ST6GALNAC3: variants seen among roughly 807,000 people sequenced by gnomAD.
The protein encoded by ST6GALNAC3 is alpha-N-acetylgalactosaminide alpha-2,6-sialyltransferase 3.
In ST6GALNAC3, 25 loss-of-function variants were observed where a neutral mutation model predicts 32.7. The ratio of observed to expected loss-of-function variants is 0.76; its 90% CI spans 0.56 to 1.07. The LOEUF is 1.07. Ranked by LOEUF, ST6GALNAC3 falls within the 50% of genes least tolerant of loss-of-function variation. The pLI is 0.00. For missense variants in ST6GALNAC3, 355 were observed against 382.4 expected, an observed-to-expected ratio of 0.93 and a Z score of 0.60; for synonymous variants, 129 against 133.1, an observed-to-expected ratio of 0.97 and a Z score of 0.21.
intron 3 of ST6GALNAC3, among the ~76,000 whole-genome samples, chr1:76,422,281 G>A (rs1007293384): frequency 2.6e-5 from 4 of 151,794 alleles, no homozygotes; most frequent in Non-Finnish European, 5.9e-5. Flanking sequence ...GTCTTTAATC[G>A]CTTAAAGAAA....
intron 1 of ST6GALNAC3, chr1:76,307,797 AT>A (rs1661150789): frequency 2.6e-6 from 1 of 383,082 alleles, no homozygotes; most frequent in African/African-American, 2.1e-5. Context: ...ACATATACAT[AT>A]TAATATAGAT....
At chr1:76,095,441 GA>G (rs985829840) in intron 1 of ST6GALNAC3, among the ~76,000 whole-genome samples, 1 of 152,136 alleles carries the variant, frequency 6.6e-6, no homozygotes, top group African/African-American at 2.4e-5. Flanking sequence ...TTGATGTTTA[GA>G]AAGACTGGTT....
At chr1:76,590,860 T>C (rs1647036715) in intron 3 of ST6GALNAC3, among the ~76,000 whole-genome samples, 1 of 152,164 alleles carries the variant, frequency 6.6e-6, no homozygotes, top group Non-Finnish European at 1.5e-5. Context: ...CTCACCTTGG[T>C]TGGTTATTAT....
At chr1:76,423,936 A>G (rs1378379684) in intron 3 of ST6GALNAC3, among the ~76,000 whole-genome samples, 1 of 151,968 alleles carries the variant, frequency 6.6e-6, no homozygotes, top group Non-Finnish European at 1.5e-5. Flanking sequence ...AATCTTTACT[A>G]ACAAAGGTGT....
chr1:76,483,845 A>G (rs1659908336), intron 3 of ST6GALNAC3, among the ~76,000 whole-genome samples: 1 of 151,992 alleles, frequency 6.6e-6, no homozygotes, highest in Non-Finnish European at 1.5e-5. Context: ...CAGGGTTTTT[A>G]TGGTTTTAGG....
intron 3 of ST6GALNAC3, among the ~76,000 whole-genome samples, chr1:76,599,367 G>T (rs777141646): frequency 4.2e-4 from 64 of 152,144 alleles, no homozygotes; most frequent in Non-Finnish European, 7.6e-4. Context: ...TGGCATGGTG[G>T]TTTTCTGCAC....
At chr1:76,168,604 T>A (rs1162946587) in intron 1 of ST6GALNAC3, among the ~76,000 whole-genome samples, 2 of 152,222 alleles carry the variant, frequency 1.3e-5, no homozygotes, top group African/African-American at 2.4e-5. Flanking sequence ...GGAGTCTAAG[T>A]CTCTTTGAAA....
chr1:76,587,973 G>C (rs1646987891), intron 3 of ST6GALNAC3, among the ~76,000 whole-genome samples: 1 of 152,150 alleles, frequency 6.6e-6, no homozygotes, highest in Non-Finnish European at 1.5e-5. Flanking sequence ...ATCCCTGGGA[G>C]ACCTGGCATA....
chr1:76,124,440 A>G (rs1167229176), intron 1 of ST6GALNAC3, among the ~76,000 whole-genome samples: 1 of 152,226 alleles, frequency 6.6e-6, no homozygotes, highest in Non-Finnish European at 1.5e-5. Flanking sequence ...GGTGAGTTGC[A>G]GTCCTCCCTA....
At chr1:76,369,890 G>A (rs1436044896) in intron 2 of ST6GALNAC3, among the ~76,000 whole-genome samples, 1 of 152,154 alleles carries the variant, frequency 6.6e-6, no homozygotes. Flanking sequence ...AAATAAAAAT[G>A]CCCTTGAATG....
intron 1 of ST6GALNAC3, among the ~76,000 whole-genome samples, chr1:76,215,510 G>T (rs558465310): frequency 6.6e-6 from 1 of 152,174 alleles, no homozygotes; most frequent in Non-Finnish European, 1.5e-5. Context: ...TGCCCCGGGT[G>T]ATCCTAATTT....
chr1:76,607,871 A>G (rs967999582), intron 3 of ST6GALNAC3, among the ~76,000 whole-genome samples: 3 of 152,292 alleles, frequency 2.0e-5, no homozygotes, highest in South Asian at 2.1e-4. Context: ...AGTCCTGTAC[A>G]TTATATGGCC....
At chr1:76,195,945 G>C (rs55861931) in intron 1 of ST6GALNAC3, among the ~76,000 whole-genome samples, 4,228 of 152,280 alleles carry the variant, frequency 0.028, 108 homozygotes, top group African/African-American at 0.073. Context: ...TTTTTGCAAG[G>C]AGTCTTAGAG....
chr1:76,605,141 A>G (rs908075709), intron 3 of ST6GALNAC3, among the ~76,000 whole-genome samples: 5 of 152,190 alleles, frequency 3.3e-5, no homozygotes, highest in Admixed American at 3.3e-4. Flanking sequence ...TAGACAGTAC[A>G]ACGTGTTAGG....
chr1:76,147,416 G>A (rs968338399), intron 1 of ST6GALNAC3, among the ~76,000 whole-genome samples: 1 of 152,048 alleles, frequency 6.6e-6, no homozygotes, highest in Non-Finnish European at 1.5e-5. Flanking sequence ...CTCTTTGATT[G>A]TCTATGAAAT....
At chr1:76,162,918 T>C (rs1651900193) in intron 1 of ST6GALNAC3, among the ~76,000 whole-genome samples, 1 of 152,136 alleles carries the variant, frequency 6.6e-6, no homozygotes, top group Non-Finnish European at 1.5e-5. Flanking sequence ...GGGGAAAGAC[T>C]GTCCAAGGCA....
At chr1:76,542,663 G>A (rs1004079983) in intron 3 of ST6GALNAC3, among the ~76,000 whole-genome samples, 1 of 152,046 alleles carries the variant, frequency 6.6e-6, no homozygotes, top group African/African-American at 2.4e-5. Context: ...AGGACCAAAT[G>A]TGCTTACATT....
chr1:76,561,686 AC>A, intron 3 of ST6GALNAC3, among the ~76,000 whole-genome samples: 1 of 152,334 alleles, frequency 6.6e-6, no homozygotes, highest in East Asian at 1.9e-4. Flanking sequence ...TCAAAATGGC[AC>A]AGCAGTTTTG....
intron 3 of ST6GALNAC3, among the ~76,000 whole-genome samples, chr1:76,503,622 T>A (rs1456426710): frequency 6.6e-6 from 1 of 152,204 alleles, no homozygotes; most frequent in African/African-American, 2.4e-5. Flanking sequence ...AGAAGGAGCT[T>A]TGAGAAAGCT....
Sources: gnomAD v4.1 joint callset for allele counts (sites outside exome capture counted in the v4.1 genomes callset) on GRCh38, gnomAD v4.1.1 for gene constraint, MANE v1.5 for transcripts, NCBI Gene and HGNC (gene_info 2026-07-23, HGNC 2026-07-21) for gene names.